Variants in NKAIN3 observed in about 807,000 individuals in gnomAD.
The protein encoded by NKAIN3 is sodium/potassium transporting ATPase interacting 3, also known as sodium/potassium-transporting ATPase subunit beta-1-interacting protein 3.
NKAIN3 carries 25 observed loss-of-function variants against 30.2 expected under a neutral mutation model. The ratio of observed to expected loss-of-function variants is 0.83; its 90% CI spans 0.60 to 1.16. The LOEUF is 1.16. NKAIN3 is among the 50% of genes most tolerant of loss of function. The pLI, the probability that NKAIN3 is intolerant of heterozygous loss-of-function variation, is 0.00. For synonymous variants in NKAIN3, 91 were observed against 89.6 expected, an observed-to-expected ratio of 1.02 and a Z score of -0.09; for missense variants, 225 against 254.1, an observed-to-expected ratio of 0.89 and a Z score of 0.78.
intron 3 of NKAIN3, among the ~76,000 whole-genome samples, chr8:62,676,364 C>T (rs1486454261): frequency 6.6e-6 from 1 of 152,092 alleles, no homozygotes; most frequent in Non-Finnish European, 1.5e-5. Flanking sequence ...GTTAGGAGGT[C>T]GAGACCATCC....
rs917806257 is a variant in NKAIN3 at position 62,966,051 on chromosome 8, G to A, written c.*644G>A. On this transcript the variant is annotated 3_prime_UTR_variant, in exon 7 of 7. Transcript: ENST00000623646. Reference sequence around the variant, plus strand: ...TGTTTTTCCTGATATATATATATATGTAGGCACATGGAAGAGTAAAAGGAT... The same window carrying A: ...TGTTTTTCCTGATATATATATATATATAGGCACATGGAAGAGTAAAAGGAT... The A allele has an allele frequency of 2.5e-5, 24 of 966,880 alleles. No individual in the cohort carries two copies. The highest frequency in any genetic ancestry group is 2.9e-5 in the Non-Finnish European group (24 of 813,632). 59.9% of individuals were successfully genotyped at this position (966,880 alleles called of 1,614,324 possible).
intron 4 of NKAIN3, among the ~76,000 whole-genome samples, chr8:62,802,356 G>A (rs1818097956): frequency 6.6e-6 from 1 of 152,182 alleles, no homozygotes; most frequent in Non-Finnish European, 1.5e-5. Context: ...AAAATGTTAA[G>A]GGCAGCCAGA....
At chr8:62,718,339 G>A (rs1300336233) in intron 3 of NKAIN3, among the ~76,000 whole-genome samples, 1 of 152,168 alleles carries the variant, frequency 6.6e-6, no homozygotes, top group African/African-American at 2.4e-5. Flanking sequence ...GAAGTTAACT[G>A]TACATATTTA....
rs544014226 is a variant in NKAIN3 at position 62,541,137 on chromosome 8, C to T, written c.55-38402C>T. ...CCAGCCTGGCCAACATGGTGAAACC[C>T]GGTCTCAACTAAAAATACAAGAAAA... On this transcript the variant is annotated intron_variant, in intron 1 of 6. Transcript: ENST00000623646. 3.7e-3 allele frequency among the ~76,000 whole-genome samples: 558 copies of T among 151,622 alleles called. 3 individuals are homozygous for T. Among genetic ancestry groups the T allele is most frequent in the South Asian group, 0.01 (50 of 4,788 alleles).
chr8:62,319,660 C>T (rs137953871), intron 1 of NKAIN3, among the ~76,000 whole-genome samples: 97 of 152,174 alleles, frequency 6.4e-4, no homozygotes, highest in Middle Eastern at 3.4e-3. Flanking sequence ...GTTTCTGAAT[C>T]CTGAGTTCTA....
At chr8:62,739,965 C>T (rs906916866) in intron 3 of NKAIN3, among the ~76,000 whole-genome samples, 4 of 152,040 alleles carry the variant, frequency 2.6e-5, no homozygotes, top group Admixed American at 6.5e-5. Context: ...CTAATGAAAA[C>T]GTAAATACCT....
chr8:62,483,474 C>T, intron 1 of NKAIN3: 1 of 161,538 alleles, frequency 6.2e-6, no homozygotes, highest in Non-Finnish European at 1.4e-5. Flanking sequence ...GATGCTCAGG[C>T]TGGGTAACCA....
At chr8:62,579,854 T>G (rs1317152092) in intron 2 of NKAIN3, among the ~76,000 whole-genome samples, 178 bp downstream of exon 2, 1 of 152,174 alleles carries the variant, frequency 6.6e-6, no homozygotes, top group Non-Finnish European at 1.5e-5. Context: ...TAATGAATGT[T>G]GTACAGTCAG....
At chr8:62,526,544 G>T (rs1461450544) in intron 1 of NKAIN3, among the ~76,000 whole-genome samples, 2 of 152,110 alleles carry the variant, frequency 1.3e-5, no homozygotes, top group Non-Finnish European at 2.9e-5. Context: ...TGTTATATTT[G>T]ACACATGCCT....
chr8:62,819,979 T>C (rs921123700), intron 4 of NKAIN3, among the ~76,000 whole-genome samples: 3 of 152,020 alleles, frequency 2.0e-5, no homozygotes, highest in Non-Finnish European at 4.4e-5. Flanking sequence ...AAGCAGCAAA[T>C]TTTTTAACAA....
At chr8:62,654,971 G>A (rs1193548767) in intron 3 of NKAIN3, among the ~76,000 whole-genome samples, 7 of 152,190 alleles carry the variant, frequency 4.6e-5, no homozygotes, top group Non-Finnish European at 1.0e-4. Flanking sequence ...GGATGAAAGT[G>A]TGTGGTCAAA....
At chr8:62,390,802 CT>C (rs1817565226) in intron 1 of NKAIN3, among the ~76,000 whole-genome samples, 1 of 152,110 alleles carries the variant, frequency 6.6e-6, no homozygotes, top group African/African-American at 2.4e-5. Context: ...TGATGTTGAG[CT>C]TTTTTTCATA....
At chr8:62,920,583 G>C (rs1386117103) in intron 5 of NKAIN3, among the ~76,000 whole-genome samples, 1 of 152,130 alleles carries the variant, frequency 6.6e-6, no homozygotes, top group Non-Finnish European at 1.5e-5. Flanking sequence ...TCGTTCCATT[G>C]ACTTTGATGT....
intron 1 of NKAIN3, among the ~76,000 whole-genome samples, chr8:62,511,497 T>G (rs1221996666): frequency 6.6e-6 from 1 of 152,186 alleles, no homozygotes. Flanking sequence ...GGTAGCAAAA[T>G]GATTTTTTCT....
At chr8:62,345,789 G>A (rs2129591389) in intron 1 of NKAIN3, among the ~76,000 whole-genome samples, 1 of 151,756 alleles carries the variant, frequency 6.6e-6, no homozygotes, top group Non-Finnish European at 1.5e-5. Flanking sequence ...TTTTCAGCTA[G>A]AACTTCCATT....
intron 6 of NKAIN3, among the ~76,000 whole-genome samples, chr8:62,964,030 C>T (rs960055447): frequency 6.6e-6 from 1 of 152,056 alleles, no homozygotes; most frequent in Non-Finnish European, 1.5e-5. Context: ...GAGTGTGAAA[C>T]GCAGTCTGTT....
At chr8:62,369,579 C>T (rs1816841190) in intron 1 of NKAIN3, among the ~76,000 whole-genome samples, 1 of 151,936 alleles carries the variant, frequency 6.6e-6, no homozygotes, top group Non-Finnish European at 1.5e-5. Context: ...ACTGACATTC[C>T]CTGAGAGAAT....
intron 3 of NKAIN3, among the ~76,000 whole-genome samples, chr8:62,688,495 A>G (rs2130435700): frequency 6.6e-6 from 1 of 152,320 alleles, no homozygotes; most frequent in South Asian, 2.1e-4. Context: ...TTATTCATAC[A>G]ATATTGATTG....
At position 62,893,605 on chromosome 8, in the gene NKAIN3, G is replaced by A. The variant is rs897528814; in HGVS notation, c.472-24848G>A. 6.6e-5 allele frequency among the ~76,000 whole-genome samples: 10 copies of A among 152,140 alleles called. No individual in the cohort carries two copies. The South Asian group carries it at 8.3e-4, about 13-fold the overall frequency. ...GTGTGAACTGGAGAAGTGAGGGGAAGCCGGTGATGTTTACTGCAGGGTTTG... is the reference window on the plus strand; with the variant it reads ...GTGTGAACTGGAGAAGTGAGGGGAAACCGGTGATGTTTACTGCAGGGTTTG... On this transcript the variant is annotated intron_variant, in intron 4 of 6. Coordinates refer to ENST00000623646, the MANE Select transcript of NKAIN3 (RefSeq NM_001304533.3).
Sources: allele counts gnomAD v4.1 joint callset (sites outside exome capture counted in the v4.1 genomes callset), GRCh38; gene constraint gnomAD v4.1.1; transcripts MANE v1.5; gene names NCBI Gene and HGNC (gene_info 2026-07-23, HGNC 2026-07-21).